Variants in TIAM1 observed in about 807,000 individuals in gnomAD.
TIAM1 encodes the protein TIAM Rac1 associated GEF 1.
A neutral mutation model predicts 163.5 loss-of-function variants in TIAM1; 65 were observed. That is an observed-to-expected ratio of 0.40 (90% CI 0.33 to 0.49). The LOEUF (loss-of-function observed/expected upper bound fraction) is 0.49, where lower values mean the gene tolerates loss of function less well. TIAM1 is among the 20% of genes least tolerant of loss of function. TIAM1 has a pLI of 0.77. For synonymous variants in TIAM1, 833 were observed against 810.1 expected (o/e 1.03, Z -0.48); for missense variants, 1,789 against 2,044.7 (o/e 0.87, Z 2.41).
At chr21:31,366,085 CAAAAAAAAAAA>C (rs869163144) in intron 2 of TIAM1, among the ~76,000 whole-genome samples, 7 of 69,546 alleles carry the variant, frequency 1.0e-4, no homozygotes, top group South Asian at 6.0e-4. Flanking sequence ...GACTCTGTCT[CAAAAAAAAAAA>C]AAAAAAAAAA....
At chr21:31,502,865 A>C (rs2046892205) in intron 1 of TIAM1, among the ~76,000 whole-genome samples, 1 of 152,226 alleles carries the variant, frequency 6.6e-6, no homozygotes, top group African/African-American at 2.4e-5. Flanking sequence ...GGAAGTTTAA[A>C]GAAAGCCAAT....
At chr21:31,232,068 T>C (rs2088472090) in intron 6 of TIAM1, among the ~76,000 whole-genome samples, 1 of 151,844 alleles carries the variant, frequency 6.6e-6, no homozygotes, top group African/African-American at 2.4e-5. Flanking sequence ...ACAGGGTAAA[T>C]GTACTTAACG....
chr21:31,226,406 T>A (rs942112579), intron 6 of TIAM1, among the ~76,000 whole-genome samples: 1 of 152,058 alleles, frequency 6.6e-6, no homozygotes, highest in South Asian at 2.1e-4. Flanking sequence ...AATCCAAAGG[T>A]CCTATTCCTG....
chr21:31,423,906 T>G (rs2043688344), intron 2 of TIAM1, among the ~76,000 whole-genome samples: 1 of 147,812 alleles, frequency 6.8e-6, no homozygotes. Flanking sequence ...GGGAATGATT[T>G]GGGGCATGAT....
At chr21:31,236,173 G>A (rs7280231) in intron 6 of TIAM1, among the ~76,000 whole-genome samples, 7,857 of 152,262 alleles carry the variant, frequency 0.052, 604 homozygotes, top group African/African-American at 0.17. Flanking sequence ...CCACCAGACC[G>A]TGTGGTATTT....
intron 2 of TIAM1, among the ~76,000 whole-genome samples, chr21:31,316,307 G>A (rs1278953769): frequency 2.0e-5 from 3 of 151,932 alleles, no homozygotes; most frequent in African/African-American, 7.3e-5. Context: ...ACCAAAAATC[G>A]TATCGTTTTA....
chr21:31,299,937 T>C (rs2074437887), intron 2 of TIAM1, among the ~76,000 whole-genome samples: 1 of 152,212 alleles, frequency 6.6e-6, no homozygotes. Flanking sequence ...TACGTCTGCA[T>C]GTTGATTGGT....
intron 1 of TIAM1, among the ~76,000 whole-genome samples, chr21:31,509,992 G>A (rs2047160143): frequency 6.6e-6 from 1 of 152,190 alleles, no homozygotes. Flanking sequence ...TCTTTTATGA[G>A]GCACAGCCAT....
chr21:31,299,428 G>C (rs138794535), intron 2 of TIAM1, among the ~76,000 whole-genome samples: 286 of 152,254 alleles, frequency 1.9e-3, no homozygotes, highest in African/African-American at 6.5e-3. Context: ...GTTATTTCTT[G>C]TTGGGACTTG....
chr21:31,131,076 C>T, intron 23 of TIAM1, 128 bp from the exon 24 acceptor site: 1 of 669,310 alleles, frequency 1.5e-6, no homozygotes, highest in Non-Finnish European at 2.6e-6. Flanking sequence ...AACTGACTCC[C>T]ACCCACCTTC....
chr21:31,174,989 G>A (rs2084694418), intron 15 of TIAM1, among the ~76,000 whole-genome samples: 1 of 152,094 alleles, frequency 6.6e-6, no homozygotes, highest in Admixed American at 6.5e-5. Context: ...TGTCTCACAG[G>A]CTGTGTGTAG....
At chr21:31,320,089 C>T (rs1487227235) in intron 2 of TIAM1, among the ~76,000 whole-genome samples, 2 of 152,254 alleles carry the variant, frequency 1.3e-5, no homozygotes, top group African/African-American at 4.8e-5. Context: ...TGTATATATA[C>T]ACCTATGCTT....
At chr21:31,482,855 C>A (rs1483763957) in intron 1 of TIAM1, among the ~76,000 whole-genome samples, 1 of 152,170 alleles carries the variant, frequency 6.6e-6, no homozygotes, top group East Asian at 1.9e-4. Flanking sequence ...CTGTGCTAAT[C>A]ATGAGATTAT....
chr21:31,498,983 A>AGAAGG (rs2046758637), intron 1 of TIAM1, among the ~76,000 whole-genome samples: 1 of 111,210 alleles, frequency 9.0e-6, no homozygotes, highest in Non-Finnish European at 1.7e-5. Context: ...CGAAGAGAAG[A>AGAAGG]GAAGGGAGGG....
chr21:31,156,676 A>G (rs563665945), intron 16 of TIAM1, among the ~76,000 whole-genome samples: 116 of 152,342 alleles, frequency 7.6e-4, no homozygotes, highest in Non-Finnish European at 1.4e-3. Context: ...TAGATGATCC[A>G]GTGATAACTG....
intron 2 of TIAM1, among the ~76,000 whole-genome samples, chr21:31,291,109 G>A (rs1430056328): frequency 6.6e-6 from 1 of 152,144 alleles, no homozygotes; most frequent in African/African-American, 2.4e-5. Context: ...AGACAATACT[G>A]TGTATTGTGA....
chr21:31,551,839 T>C (rs1374163275), intron 1 of TIAM1, among the ~76,000 whole-genome samples: 1 of 152,128 alleles, frequency 6.6e-6, no homozygotes, highest in African/African-American at 2.4e-5. Context: ...AAGCTGAGAA[T>C]TAAATCATAT....
At chr21:31,261,533 GAAACCCT>G (rs1463950314) in intron 4 of TIAM1, among the ~76,000 whole-genome samples, 1 of 152,110 alleles carries the variant, frequency 6.6e-6, no homozygotes, top group Non-Finnish European at 1.5e-5. Context: ...CCAACATGGT[GAAACCCT>G]GTTTCTACTA....
chr21:31,353,835 C>CTTTTTTTTTTTTT lies in TIAM1; in HGVS notation c.-368-14426_-368-14414dup, dbSNP rs71193103. Among the ~76,000 whole-genome samples, 63 of 71,246 alleles carry CTTTTTTTTTTTTT rather than the reference C, an allele frequency of 8.8e-4. 7 individuals are homozygous for CTTTTTTTTTTTTT. The highest frequency in any genetic ancestry group is 1.3e-3 in the Non-Finnish European group (52 of 40,944). The allele number at this position is 71,246 out of a possible 152,430, so 46.7% of individuals were successfully genotyped here. ...TGTTTTTATTTATTTATTTATTTAT[C>CTTTTTTTTTTTTT]TTTTTTTTTTTTTTTTTTTTTGAGA... On this transcript the variant is annotated intron_variant, in intron 2 of 28. Transcript: ENST00000286827.
Sources: gnomAD v4.1 joint callset for allele counts (sites outside exome capture counted in the v4.1 genomes callset) on GRCh38, gnomAD v4.1.1 for gene constraint, MANE v1.5 for transcripts, NCBI Gene and HGNC (gene_info 2026-07-23, HGNC 2026-07-21) for gene names.